The following TNIP1 variants were observed in gnomAD, a reference collection of about 807,000 sequenced individuals.
TNIP1 encodes TNFAIP3 interacting protein 1, also known as TNFAIP3-interacting protein 1.
A neutral mutation model predicts 86.6 loss-of-function variants in TNIP1; 22 were observed. The observed-to-expected ratio is 0.25, with a 90% CI of 0.18 to 0.36. The LOEUF (loss-of-function observed/expected upper bound fraction) is 0.36. Among genes scored for constraint, TNIP1 ranks in the 10% least tolerant of loss-of-function variants. The probability of loss-of-function intolerance (pLI) is 1.00; values close to 1 mark genes in which losing one functional copy is unlikely to be tolerated. For missense variants in TNIP1, 709 were observed against 820.6 expected, an observed-to-expected ratio of 0.86 and a Z score of 1.66; for synonymous variants, 294 against 313.0, an observed-to-expected ratio of 0.94 and a Z score of 0.64.
intron 8 of TNIP1, chr5:151,046,168 G>A (rs1759141069): frequency 3.6e-6 from 2 of 555,066 alleles, no homozygotes; most frequent in South Asian, 4.0e-5. Context: ...CAGGGTGGCT[G>A]CCAGGCCCTC....
At chr5:151,062,607 T>A (rs1761722538) in intron 3 of TNIP1, among the ~76,000 whole-genome samples, 1 of 152,200 alleles carries the variant, frequency 6.6e-6, no homozygotes, top group African/African-American at 2.4e-5. Context: ...GGGAAGGTCA[T>A]CAACTTGCCC....
upstream of TNIP1, among the ~76,000 whole-genome samples, chr5:151,084,997 C>T (rs1322556719): frequency 1.3e-5 from 2 of 152,234 alleles, no homozygotes; most frequent in African/African-American, 4.8e-5. Flanking sequence ...CTTCTCTCCT[C>T]AGCCTAAGAA....
intron 5 of TNIP1, among the ~76,000 whole-genome samples, 192 bp from the exon 6 acceptor site, chr5:151,057,149 C>T (rs1363135662): frequency 6.6e-6 from 1 of 152,270 alleles, no homozygotes; most frequent in African/African-American, 2.4e-5. Context: ...CCAGGACTCA[C>T]AGGCCACTGG....
At chr5:151,062,069 C>T in intron 4 of TNIP1, 58 bp downstream of exon 4, 1 of 1,457,616 alleles carries the variant, frequency 6.9e-7, no homozygotes. Context: ...TTGTATCTGT[C>T]AGTAGGACTT....
intron 8 of TNIP1, among the ~76,000 whole-genome samples, chr5:151,047,346 T>C (rs1403681473): frequency 6.6e-6 from 1 of 152,124 alleles, no homozygotes; most frequent in Non-Finnish European, 1.5e-5. Flanking sequence ...TGAAAAACAT[T>C]CTACAAATAA....
intron 8 of TNIP1, 105 bp downstream of exon 8, chr5:151,049,719 G>A: frequency 7.3e-7 from 1 of 1,368,634 alleles, no homozygotes. Flanking sequence ...TTCTACCACT[G>A]GCACTGGCTG....
chr5:151,037,732 C>T (rs1001351259), intron 12 of TNIP1, among the ~76,000 whole-genome samples: 1 of 152,192 alleles, frequency 6.6e-6, no homozygotes, highest in Non-Finnish European at 1.5e-5. Context: ...ACTTTGGCCC[C>T]AGGACAGCAT....
chr5:151,085,794 C>T (rs1206925070), upstream of TNIP1, among the ~76,000 whole-genome samples: 2 of 152,214 alleles, frequency 1.3e-5, no homozygotes, highest in African/African-American at 4.8e-5. Context: ...AACAGGTCAG[C>T]CAGGCCCAGC....
intron 5 of TNIP1, among the ~76,000 whole-genome samples, chr5:151,059,861 GT>G (rs1761282940): frequency 1.0e-5 from 1 of 95,700 alleles, no homozygotes; most frequent in Non-Finnish European, 2.0e-5. Context: ...GTGTGTGTGT[GT>G]GTGTGCGCGC....
chr5:151,070,731 G>A (rs1762734431), intron 1 of TNIP1, among the ~76,000 whole-genome samples: 1 of 152,152 alleles, frequency 6.6e-6, no homozygotes, highest in Non-Finnish European at 1.5e-5. Context: ...TTTGTGTTAT[G>A]ATGACCTCCA....
At chr5:151,053,253 G>C (rs1332179693) in intron 6 of TNIP1, among the ~76,000 whole-genome samples, 1 of 152,008 alleles carries the variant, frequency 6.6e-6, no homozygotes, top group African/African-American at 2.4e-5. Context: ...GGAACTACAG[G>C]TGTGTGCCAC....
upstream of TNIP1, among the ~76,000 whole-genome samples, chr5:151,084,437 T>C (rs1764197273): frequency 1.6e-5 from 2 of 128,452 alleles, no homozygotes; most frequent in Non-Finnish European, 3.2e-5. Context: ...AGAGCAAGAC[T>C]TCGTCTCAAA....
chr5:151,056,272 G>A (rs770606346), intron 6 of TNIP1, among the ~76,000 whole-genome samples: 1 of 152,184 alleles, frequency 6.6e-6, no homozygotes, highest in Non-Finnish European at 1.5e-5. Flanking sequence ...TTCAATAGGG[G>A]AGGCAGGTTG....
intron 7 of TNIP1, among the ~76,000 whole-genome samples, chr5:151,050,579 G>A (rs78560528): frequency 0.015 from 2,342 of 152,308 alleles, 74 homozygotes; most frequent in African/African-American, 0.054. Flanking sequence ...TAATAAGGCA[G>A]GTGATAGAGG....
chr5:151,085,656 T>C (rs1764247740), upstream of TNIP1, among the ~76,000 whole-genome samples: 1 of 152,010 alleles, frequency 6.6e-6, no homozygotes, highest in Non-Finnish European at 1.5e-5. Flanking sequence ...CCTCCCACAG[T>C]TCCTAGGAGC....
At chr5:151,051,668 G>C (rs1382615373) in intron 7 of TNIP1, among the ~76,000 whole-genome samples, 1 of 152,198 alleles carries the variant, frequency 6.6e-6, no homozygotes, top group African/African-American at 2.4e-5. Flanking sequence ...CCTAGGTCTT[G>C]CCTAAGACCT....
chr5:151,072,995 G>T (rs1374563133), intron 1 of TNIP1, among the ~76,000 whole-genome samples: 3 of 152,152 alleles, frequency 2.0e-5, no homozygotes, highest in African/African-American at 7.2e-5. Flanking sequence ...GCCGAGGTGG[G>T]CGGATCACCT....
chr5:151,052,336 G>A (rs1760051672), intron 6 of TNIP1, 77 bp from the exon 7 acceptor site: 1 of 1,281,536 alleles, frequency 7.8e-7, no homozygotes, highest in Non-Finnish European at 1.1e-6. Context: ...GAGGATGGTG[G>A]GGGGCCTGTA....
chr5:151,081,908 AAAAG>A (rs1252777345), upstream of TNIP1, among the ~76,000 whole-genome samples: 1 of 152,228 alleles, frequency 6.6e-6, no homozygotes, highest in Non-Finnish European at 1.5e-5. Context: ...TTTATTTTTA[AAAAG>A]AAAGAAAGCT....
Sources: gnomAD v4.1 joint callset for allele counts (sites outside exome capture counted in the v4.1 genomes callset) on GRCh38, gnomAD v4.1.1 for gene constraint, MANE v1.5 for transcripts, NCBI Gene and HGNC (gene_info 2026-07-23, HGNC 2026-07-21) for gene names.